The following PRKDC variants were observed in gnomAD, a reference collection of about 807,000 sequenced individuals.
PRKDC encodes the protein DNA-dependent protein kinase catalytic subunit.
In PRKDC, 82 loss-of-function variants were observed where a neutral mutation model predicts 486.9. The ratio of observed to expected loss-of-function variants is 0.17; its 90% confidence interval spans 0.14 to 0.20. The LOEUF (loss-of-function observed/expected upper bound fraction) is 0.20. PRKDC is among the 10% of genes least tolerant of loss of function. The pLI is 1.00. For missense variants in PRKDC, 4,504 were observed against 5,038.2 expected (o/e 0.89, Z 3.21); for synonymous variants, 1,895 against 1,837.0 (o/e 1.03, Z -0.81).
At chr8:47,852,625 T>C (rs980949464) in intron 52 of PRKDC, 48 bp downstream of exon 52, 1 of 1,218,040 alleles carries the variant, frequency 8.2e-7, no homozygotes, top group Non-Finnish European at 1.2e-6. Context: ...TCATAACAAA[T>C]CAAAACAGAG....
chr8:47,902,673 G>A lies in PRKDC; in HGVS notation c.3165C>T (p.Asn1055=). 2 of 1,613,806 alleles carry A rather than the reference G, an allele frequency of 1.2e-6. No homozygotes were observed. The highest frequency in any genetic ancestry group is 1.7e-6 in the Non-Finnish European group (2 of 1,179,784). ...AAAGTCGCTTGAAAAGCGATTTGGTGTTTACTGGACTCTTCTCCTGCTGCT... is the reference window on the plus strand; with the variant it reads ...AAAGTCGCTTGAAAAGCGATTTGGTATTTACTGGACTCTTCTCCTGCTGCT... ...TPQQQEKSPV[N]TKSLFKRLYS... The change falls in exon 27 of 86, where the codon AAC becomes AAT. Residue 1055 remains asparagine (N), a synonymous_variant. Coordinates refer to ENST00000314191, the MANE Select transcript of PRKDC (RefSeq NM_006904.7).
rs2087667726 is a variant in PRKDC at position 47,823,980 on chromosome 8, C to T, written c.8800G>A (p.Gly2934Arg). 1.2e-6 allele frequency: 2 copies of T among 1,612,754 alleles called. No homozygotes were observed. The highest frequency in any genetic ancestry group is 1.1e-5 in the South Asian group (1 of 90,898). Residue 2934 changes from glycine to arginine, a missense_variant, in exon 64 of 86, where the codon GGA becomes AGA. Gly to Arg is a moderately radical substitution (Grantham distance 125). This residue lies in a region of PRKDC where 1,592 missense variants were observed against 1,724.6 expected (regional missense o/e 0.92). Transcript: ENST00000314191. ...ATCCCACGGAGGACGTCGTATTCTC[C>T]AATTGATCTATACAGCCTACAAAAC... is the stretch of plus-strand genomic sequence containing the variant. ...VELAKLYRSI[G>R]EYDVLRGIFT...
At chr8:47,947,274 C>G (rs1304871764) in intron 7 of PRKDC, among the ~76,000 whole-genome samples, 1 of 152,176 alleles carries the variant, frequency 6.6e-6, no homozygotes. Flanking sequence ...TCAGAAAGTA[C>G]CCGTGGGTCG....
intron 11 of PRKDC, 121 bp downstream of exon 11, chr8:47,939,430 G>T: frequency 1.8e-6 from 2 of 1,139,934 alleles, no homozygotes; most frequent in Non-Finnish European, 2.5e-6. Flanking sequence ...TCACGCCCAT[G>T]TTATTCAAGG....
At chr8:47,781,983 G>A (rs1368872968) in intron 80 of PRKDC, among the ~76,000 whole-genome samples, 179 bp downstream of exon 80, 5 of 152,056 alleles carry the variant, frequency 3.3e-5, no homozygotes, top group Admixed American at 1.3e-4. Context: ...TTTGTATTAC[G>A]GTAAAATATC....
At chr8:47,922,395 C>T (rs1461482428) in intron 21 of PRKDC, among the ~76,000 whole-genome samples, 2 of 152,042 alleles carry the variant, frequency 1.3e-5, no homozygotes, top group African/African-American at 4.8e-5. Context: ...CTGCTTGAAC[C>T]CGGGAGGCGG....
intron 25 of PRKDC, among the ~76,000 whole-genome samples, chr8:47,907,533 CTTTTT>C (rs1028272336): frequency 7.5e-6 from 1 of 133,112 alleles, no homozygotes; most frequent in Non-Finnish European, 1.6e-5. Flanking sequence ...ATTTATATAC[CTTTTT>C]TTTTTTTTTT....
intron 36 of PRKDC, among the ~76,000 whole-genome samples, chr8:47,885,327 A>G (rs2089302975): frequency 6.6e-6 from 1 of 151,148 alleles, no homozygotes; most frequent in Non-Finnish European, 1.5e-5. Context: ...AATTTTTTGT[A>G]TTTTTAGTAG....
rs766675308 is a variant in PRKDC at position 47,821,751 on chromosome 8, T to G, written c.8964A>C (p.Glu2988Asp). 1 of 1,594,388 alleles carries G rather than the reference T, an allele frequency of 6.3e-7. No homozygotes were observed. Among genetic ancestry groups the G allele is most frequent in the Non-Finnish European group, 8.5e-7 (1 of 1,171,584 alleles). Reference protein sequence around the residue: ...KQDWVDGEPTEAEKDFWELAS... With the variant: ...KQDWVDGEPTDAEKDFWELAS... ...CAAGTTCCCAAAAATCCTTCTCGGC[T>G]TCTGTGGGCTCACCATCTACCCAGT... Residue 2988 changes from glutamate (E) to aspartate (D), a missense_variant, in exon 65 of 86, where the codon GAA becomes GAC. Physicochemically the swap from Glu to Asp is conservative, Grantham distance 45. Coordinates refer to ENST00000314191, the MANE Select transcript of PRKDC (RefSeq NM_006904.7).
chr8:47,858,463 T>C lies in PRKDC; in HGVS notation c.6465+53A>G, dbSNP rs538507421. The C allele has an allele frequency of 2.9e-6, 4 of 1,379,284 alleles. No individual in the cohort carries two copies. In the African/African-American group the frequency reaches 6.0e-5, roughly 21 times the overall value. 85.4% of individuals were successfully genotyped at this position (1,379,284 alleles called of 1,614,324 possible). A position where few individuals can be genotyped will look rare whatever the true frequency, so the allele number is the denominator to read the frequency against. ...CAATTGATTCATTCATAGAATTGAA[T>C]AAACAGACTTACAGAATCTATTCAA... is the stretch of plus-strand genomic sequence containing the variant. On this transcript the variant is annotated intron_variant, in intron 48 of 85. Coordinates refer to ENST00000314191, the MANE Select transcript of PRKDC (RefSeq NM_006904.7).
intron 16 of PRKDC, 112 bp from the exon 17 acceptor site, chr8:47,930,899 G>GC (rs1413170179): frequency 1.9e-6 from 2 of 1,048,322 alleles, no homozygotes; most frequent in African/African-American, 3.3e-5. Context: ...AAGAAAGATT[G>GC]CAACAGCGAG....
At position 47,800,996 on chromosome 8, in the gene PRKDC, T is replaced by TAAAA. The variant is rs573568510; in HGVS notation, c.9923-14_9923-11dup. The TAAAA allele has an allele frequency of 1.2e-6, 2 of 1,611,700 alleles. No individual in the cohort carries two copies. Among genetic ancestry groups the TAAAA allele is most frequent in the Non-Finnish European group, 1.7e-6 (2 of 1,178,908 alleles). Reference sequence around the variant, plus strand: ...GACACGTTGTTCTCATCTGTTGGATTAAAAAAACAAAACAAAACAAAATTT... The same window carrying TAAAA: ...GACACGTTGTTCTCATCTGTTGGATTAAAAAAAAAAACAAAACAAAACAAAATTT... On this transcript the variant is annotated splice_polypyrimidine_tract_variant and intron_variant, in intron 70 of 85. Coordinates refer to ENST00000314191, the MANE Select transcript of PRKDC (RefSeq NM_006904.7).
chr8:47,833,847 T>C (rs866665446), intron 59 of PRKDC, among the ~76,000 whole-genome samples: 1 of 152,036 alleles, frequency 6.6e-6, no homozygotes, highest in Non-Finnish European at 1.5e-5. Context: ...CCAGTCTTTT[T>C]GGACGCTCTC....
intron 4 of PRKDC, 151 bp downstream of exon 4, chr8:47,955,723 T>C: frequency 1.7e-6 from 1 of 582,712 alleles, no homozygotes. Context: ...TGTCAGGTGA[T>C]GGTTGGAGAA....
chr8:47,838,782 A>G (rs566471492), intron 56 of PRKDC, among the ~76,000 whole-genome samples: 1 of 152,314 alleles, frequency 6.6e-6, no homozygotes, highest in East Asian at 1.9e-4. Context: ...CTAAAGTTTC[A>G]AACACTTTAT....
intron 49 of PRKDC, among the ~76,000 whole-genome samples, chr8:47,855,969 C>A (rs1038021090): frequency 6.6e-6 from 1 of 152,290 alleles, no homozygotes; most frequent in Admixed American, 6.5e-5. Flanking sequence ...CTTGCTGTTG[C>A]TTTATTCAGC....
chr8:47,789,060 A>T lies in PRKDC; in HGVS notation c.10759-11T>A, dbSNP rs373043773. 1 of 1,586,958 alleles carries T rather than the reference A, an allele frequency of 6.3e-7. No homozygotes were observed. Among genetic ancestry groups the T allele is most frequent in the African/African-American group, 1.4e-5 (1 of 73,860 alleles). ...ATCATTGCTCCAATCCTGTCAGGGG[A>T]AAAAAAAAGTAAGAAAAAAATCAAG... On this transcript the variant is annotated splice_polypyrimidine_tract_variant and intron_variant, in intron 75 of 85. Coordinates refer to ENST00000314191, the MANE Select transcript of PRKDC (RefSeq NM_006904.7).
Position 47,912,490 on chromosome 8 carries a change from C to T in PRKDC, c.2854G>A (p.Gly952Arg), listed in dbSNP as rs776213869. 7.4e-6 allele frequency: 12 copies of T among 1,612,680 alleles called. No individual in the cohort carries two copies. The highest frequency in any genetic ancestry group is 1.0e-5 in the Non-Finnish European group (12 of 1,179,208). Residue 952 changes from glycine (G) to arginine (R), a missense_variant, in exon 25 of 86, where the codon GGA becomes AGA. Physicochemically the swap from Gly to Arg is moderately radical, Grantham distance 125. Transcript: ENST00000314191. ...LGKATQMPEG[G>R]QGAPPMYQLY... Reference sequence around the variant, plus strand: ...TGGTACATGGGTGGGGCTCCCTGTCCCCCTTCTGGCATCTGCGTGGCTTTG... The same window carrying T: ...TGGTACATGGGTGGGGCTCCCTGTCTCCCTTCTGGCATCTGCGTGGCTTTG...
intron 16 of PRKDC, among the ~76,000 whole-genome samples, chr8:47,932,817 T>C (rs2090279375): frequency 6.6e-6 from 1 of 152,188 alleles, no homozygotes; most frequent in African/African-American, 2.4e-5. Context: ...ATATATAAAT[T>C]ACTTTTTGAA....
Sources: gnomAD v4.1 joint callset for allele counts (sites outside exome capture counted in the v4.1 genomes callset) on GRCh38, gnomAD v4.1.1 for gene constraint, gnomAD v4.1.1 regional missense constraint, MANE v1.5 for transcripts, NCBI Gene and HGNC (gene_info 2026-07-23, HGNC 2026-07-21) for gene names.